The following MCM3 variants were observed in gnomAD, a reference collection of about 807,000 sequenced individuals.
MCM3 encodes the protein minichromosome maintenance complex component 3.
Under a neutral mutation model 91.3 loss-of-function variants are expected in MCM3, and 59 were observed. That is an observed-to-expected ratio of 0.65 (90% CI 0.52 to 0.80). The LOEUF is 0.80. Among genes scored for constraint, MCM3 ranks in the 30% least tolerant of loss-of-function variants. MCM3 has a pLI of 0.00. For synonymous variants in MCM3, 383 were observed against 379.6 expected (o/e 1.01, Z -0.10); for missense variants, 919 against 1,035.4 (o/e 0.89, Z 1.54).
chr6:52,270,655 A>C (rs890808804), intron 12 of MCM3, among the ~76,000 whole-genome samples: 4 of 152,332 alleles, frequency 2.6e-5, no homozygotes, highest in African/African-American at 9.6e-5. Flanking sequence ...CTTGGAATTC[A>C]CTTACAGACC....
intron 13 of MCM3, 133 bp downstream of exon 13, chr6:52,268,953 C>A (rs1764866379): frequency 1.1e-6 from 1 of 928,322 alleles, no homozygotes. Flanking sequence ...GTGAGGCAGA[C>A]TGATGACTGG....
chr6:52,265,104 T>A, intron 16 of MCM3: 1 of 389,454 alleles, frequency 2.6e-6, no homozygotes, highest in South Asian at 2.3e-5. Flanking sequence ...GGAGCCCATT[T>A]CTAGGAACTC....
chr6:52,276,455 CCT>C lies in MCM3; in HGVS notation c.1185_1186del (p.Ala397HisfsTer5). On this transcript the variant is annotated frameshift_variant, in exon 9 of 17. Coordinates refer to ENST00000596288, the MANE Select transcript of MCM3 (RefSeq NM_002388.6). LOFTEE classifies it high-confidence loss of function. Reference sequence around the variant, plus strand: ...GCCTCGGTCAGCCAGGACCATGGCCCCTGCTTCCAGACGGCGCTCTCCTGGGA... The same window carrying C: ...GCCTCGGTCAGCCAGGACCATGGCCCGCTTCCAGACGGCGCTCTCCTGGGA... 6.2e-7 allele frequency: 1 copy of C among 1,614,118 alleles called. No homozygotes were observed. Among genetic ancestry groups the C allele is most frequent in the Non-Finnish European group, 8.5e-7 (1 of 1,180,018 alleles).
At chr6:52,273,427 G>A in intron 10 of MCM3, 71 bp from the exon 11 acceptor site, 1 of 1,496,580 alleles carries the variant, frequency 6.7e-7, no homozygotes, top group South Asian at 1.2e-5. Flanking sequence ...TTCTTCTATA[G>A]CACAAGAAGG....
rs1201670776 is a variant in MCM3 at position 52,267,914 on chromosome 6, C to T, written c.2023G>A (p.Glu675Lys). The T allele has an allele frequency of 1.3e-6, 2 of 1,504,408 alleles. No homozygotes were observed. The highest frequency in any genetic ancestry group is 1.8e-6 in the Non-Finnish European group (2 of 1,081,464). The allele number at this position is 1,504,408 out of a possible 1,614,324, so 93.2% of individuals were successfully genotyped here. A position where few individuals can be genotyped will look rare whatever the true frequency, so the allele number is the denominator to read the frequency against. ...KKRSEDESET[E>K]DEEEKSQEDQ... ...TCTTGGCTTTTCTCCTCTTCATCTT[C>T]TGTCTCTGATTCATCCTCACTTCGC... The change falls in exon 14 of 17, where the codon GAA becomes AAA. Residue 675 changes from glutamate (E) to lysine (K), a missense_variant. By Grantham distance (56) the Glu-to-Lys change is moderately conservative. Around this residue, in one of 3 missense-constraint regions of MCM3, gnomAD observed 285 missense variants for 311.4 expected, o/e 0.92. Transcript: ENST00000596288.
chr6:52,273,980 G>A (rs2128279543), intron 9 of MCM3, 64 bp from the exon 10 acceptor site: 1 of 1,356,558 alleles, frequency 7.4e-7, no homozygotes, highest in Non-Finnish European at 1.0e-6. Flanking sequence ...CAACAAGGCT[G>A]CTGCAGTTCT....
chr6:52,273,218 G>A lies in MCM3; in HGVS notation c.1676+12C>T, dbSNP rs779925795. On this transcript the variant is annotated intron_variant, in intron 11 of 16. Coordinates refer to ENST00000596288, the MANE Select transcript of MCM3 (RefSeq NM_002388.6). ...TCAGGTTCCCTTGAGGAAGAGTTAT[G>A]AGAATGCTCACTTTTTCTTCTTGGT... is the stretch of plus-strand genomic sequence containing the variant. The A allele has an allele frequency of 6.2e-7, 1 of 1,614,122 alleles. No individual in the cohort carries two copies. The highest frequency in any genetic ancestry group is 1.1e-5 in the South Asian group (1 of 91,064).
Position 52,279,517 on chromosome 6 carries a change from G to A in MCM3, c.614C>T (p.Pro205Leu), listed in dbSNP as rs149698570. ...DHQTITIQEMPEKAPAGQLPR... is the reference protein window; with the variant it reads ...DHQTITIQEMLEKAPAGQLPR... ...GAGCTGGCCGGCTGGGGCCTTCTCC[G>A]GCATCTCCTGGATGGTGATGGTCTG... Residue 205 changes from proline (P) to leucine (L), a missense_variant, in exon 5 of 17, where the codon CCG becomes CTG. Transcript: ENST00000596288. 41 of 1,614,088 alleles carry A rather than the reference G, an allele frequency of 2.5e-5. No individual in the cohort carries two copies. Among genetic ancestry groups the A allele is most frequent in the East Asian group, 6.7e-5 (3 of 44,880 alleles).
intron 2 of MCM3, 127 bp downstream of exon 2, chr6:52,283,167 G>C: frequency 1.4e-6 from 1 of 724,662 alleles, no homozygotes; most frequent in Non-Finnish European, 2.3e-6. Flanking sequence ...ATAGGTGCAG[G>C]TGAGCTACGA....
At chr6:52,284,517 G>T in intron 1 of MCM3, 80 bp downstream of exon 1, 1 of 1,347,458 alleles carries the variant, frequency 7.4e-7, no homozygotes, top group Non-Finnish European at 1.0e-6. Flanking sequence ...CTGGAGGTCT[G>T]GCGGGCCTCT....
chr6:52,282,914 G>A (rs1766252891), intron 2 of MCM3, 53 bp from the exon 3 acceptor site: 2 of 1,335,544 alleles, frequency 1.5e-6, no homozygotes, highest in Admixed American at 3.7e-5. Flanking sequence ...TCAAAAAAAT[G>A]GATCCTCAAA....
At chr6:52,278,960 A>C (rs1765820458) in intron 5 of MCM3, 110 bp from the exon 6 acceptor site, 1 of 677,984 alleles carries the variant, frequency 1.5e-6, no homozygotes, top group Non-Finnish European at 2.5e-6. Context: ...AGACCAGCCA[A>C]TTAGAGTTGG....
chr6:52,283,324 A>T lies in MCM3; in HGVS notation c.161T>A (p.Leu54Gln). 1 of 1,614,116 alleles carries T rather than the reference A, an allele frequency of 6.2e-7. No individual in the cohort carries two copies. The highest frequency in any genetic ancestry group is 8.5e-7 in the Non-Finnish European group (1 of 1,180,002). ...QYRLIVNVNDLRRKNEKRANR... is the reference protein window; with the variant it reads ...QYRLIVNVNDQRRKNEKRANR... Reference sequence around the variant, plus strand: ...AGCCCTCTTCTCGTTTTTCCTGCGCAGGTCATTCACATTGACAATCAGCCG... The same window carrying T: ...AGCCCTCTTCTCGTTTTTCCTGCGCTGGTCATTCACATTGACAATCAGCCG... The change falls in exon 2 of 17, where the codon CTG (leucine) becomes CAG (glutamine). Residue 54 changes from leucine to glutamine, a missense_variant. Leu to Gln is a moderately radical substitution (Grantham distance 113). This residue lies in a region of MCM3 where 401 missense variants were observed against 402.7 expected (regional missense o/e 1.00). Coordinates refer to ENST00000596288, the MANE Select transcript of MCM3 (RefSeq NM_002388.6).
rs748281978 is a variant in MCM3, at chr6:52,278,750, G to C, written c.871C>G (p.Arg291Gly). Residue 291 changes from arginine to glycine, a missense_variant, in exon 6 of 17, where the codon CGA becomes GGA. By Grantham distance (125) the Arg-to-Gly change is moderately radical. This residue lies in a region of MCM3 where 401 missense variants were observed against 402.7 expected (regional missense o/e 1.00). Coordinates refer to ENST00000596288, the MANE Select transcript of MCM3 (RefSeq NM_002388.6). ...IAKIKKFSKTRSKDIFDQLAK... is the reference protein window; with the variant it reads ...IAKIKKFSKTGSKDIFDQLAK... ...CTAAAGGATGCCCAGACCTTGGATC[G>C]GGTTTTACTGAACTTCTTGATCTTG... 1.2e-6 allele frequency: 2 copies of C among 1,611,314 alleles called. No individual in the cohort carries two copies. The highest frequency in any genetic ancestry group is 2.2e-5 in the South Asian group (2 of 90,676).
chr6:52,283,557 T>C (rs1337666903), intron 1 of MCM3, 151 bp from the exon 2 acceptor site: 8 of 648,214 alleles, frequency 1.2e-5, no homozygotes, highest in Non-Finnish European at 2.0e-5. Context: ...CTCCCTTTCA[T>C]TCACTGTTTT....
Position 52,277,175 on chromosome 6 carries a change from G to C in MCM3, c.1057C>G (p.Gln353Glu). The C allele has an allele frequency of 6.2e-7, 1 of 1,613,544 alleles. No homozygotes were observed. The highest frequency in any genetic ancestry group is 2.2e-5 in the East Asian group (1 of 44,876). The change falls in exon 8 of 17, where the codon CAG becomes GAG. Residue 353 changes from glutamine (Q) to glutamate (E), a missense_variant. By Grantham distance (29) the Gln-to-Glu change is conservative. Around this residue, in one of 3 missense-constraint regions of MCM3, gnomAD observed 233 missense variants for 321.2 expected, o/e 0.73. Coordinates refer to ENST00000596288, the MANE Select transcript of MCM3 (RefSeq NM_002388.6). ...LIGDPSVAKS[Q>E]LLRYVLCTAP... ...GTGCAAAGCACATACCGCAGAAGCT[G>C]AGACTTGGCAACGGATGGGTCTCCT...
chr6:52,272,419 T>A lies in MCM3; in HGVS notation c.1709A>T (p.Lys570Met), dbSNP rs147317725. The A allele has an allele frequency of 9.3e-6, 15 of 1,614,202 alleles. No homozygotes were observed. Among genetic ancestry groups the A allele is most frequent in the Admixed American group, 8.3e-5 (5 of 60,030 alleles). ...GATGATTTTGGCCACATGGATGTAC[T>A]TCTTCATGAATGCTGCACTCACCAT... ...EKMVSAAFMK[K>M]YIHVAKIIKP... Residue 570 changes from lysine to methionine, a missense_variant, in exon 12 of 17, where the codon AAG becomes ATG. By Grantham distance (95) the Lys-to-Met change is moderately conservative. Coordinates refer to ENST00000596288, the MANE Select transcript of MCM3 (RefSeq NM_002388.6).
At chr6:52,276,583 T>A in intron 8 of MCM3, 107 bp from the exon 9 acceptor site, 1 of 951,266 alleles carries the variant, frequency 1.1e-6, no homozygotes, top group South Asian at 1.7e-5. Context: ...CACGTGAGAA[T>A]GCGGCAATGG....
Position 52,282,195 on chromosome 6 carries a change from A to C in MCM3, c.401-20T>G, listed in dbSNP as rs780295277. ...GAGAACCTAGGGATGGAAAATGTGC[A>C]TATATAAACTCACCCAACTAGACGA... On this transcript the variant is annotated intron_variant, in intron 3 of 16. Coordinates refer to ENST00000596288, the MANE Select transcript of MCM3 (RefSeq NM_002388.6). The C allele has an allele frequency of 2.5e-6, 4 of 1,613,822 alleles. No homozygotes were observed. The highest frequency in any genetic ancestry group is 2.5e-6 in the Non-Finnish European group (3 of 1,179,732).
Sources: allele counts gnomAD v4.1 joint callset (sites outside exome capture counted in the v4.1 genomes callset), GRCh38; gene constraint gnomAD v4.1.1; regional missense constraint gnomAD v4.1.1; transcripts MANE v1.5; gene names NCBI Gene and HGNC (gene_info 2026-07-23, HGNC 2026-07-21).